Variants in DOCK2 observed in about 807,000 individuals in gnomAD.
The protein encoded by DOCK2 is dedicator of cytokinesis protein 2.
DOCK2 carries 87 observed loss-of-function variants against 248.9 expected under a neutral mutation model. The ratio of observed to expected loss-of-function variants is 0.35; its 90% CI spans 0.29 to 0.42. The LOEUF is 0.42. Ranked by LOEUF, DOCK2 falls within the 10% of genes least tolerant of loss-of-function variation. DOCK2 has a pLI of 1.00. For synonymous variants in DOCK2, 805 were observed against 821.6 expected, an observed-to-expected ratio of 0.98 and a Z score of 0.35; for missense variants, 1,747 against 2,300.2, an observed-to-expected ratio of 0.76 and a Z score of 4.92.
chr5:169,751,578 A>G lies in DOCK2; in HGVS notation c.2376+4074A>G, dbSNP rs746153728. Among the ~76,000 whole-genome samples the G allele has an allele frequency of 7.9e-5, 12 of 152,360 alleles. No individual in the cohort carries two copies. The South Asian group carries it at 2.3e-3, about 29-fold the overall frequency. Reference sequence around the variant, plus strand: ...TTTTGTGACCAATTTAATTGTGAGTAGAGCAGATCTGGTTCAAATCTCAGC... The same window carrying G: ...TTTTGTGACCAATTTAATTGTGAGTGGAGCAGATCTGGTTCAAATCTCAGC... On this transcript the variant is annotated intron_variant, in intron 23 of 51. Transcript: ENST00000520908.
chr5:169,991,858 C>T lies in DOCK2; in HGVS notation c.2994-4228C>T, dbSNP rs982517620. Among the ~76,000 whole-genome samples, 98 of 152,226 alleles carry T rather than the reference C, an allele frequency of 6.4e-4. 1 individual carries two copies. The highest frequency in any genetic ancestry group is 2.1e-4 in the Non-Finnish European group (14 of 68,038). ...GGGAAATTATTTGCTCTTTCTAAGA[C>T]TCAGTTTCCTCTTATGTTTAATGGG... On this transcript the variant is annotated intron_variant, in intron 29 of 51. Transcript: ENST00000520908.
intron 24 of DOCK2, 149 bp downstream of exon 24, chr5:169,759,924 T>C (rs1436995775): frequency 2.4e-6 from 2 of 819,722 alleles, no homozygotes; most frequent in Admixed American, 5.6e-5. Flanking sequence ...GTTTCCGGTG[T>C]GGTATTTTTA....
chr5:170,022,881 A>G (rs1755777305), intron 33 of DOCK2, among the ~76,000 whole-genome samples: 1 of 151,690 alleles, frequency 6.6e-6, no homozygotes, highest in Non-Finnish European at 1.5e-5. Flanking sequence ...AGGCATTTAG[A>G]CCCCCATCCC....
At chr5:169,679,956 TC>T (rs1285739676) in intron 6 of DOCK2, among the ~76,000 whole-genome samples, 2 of 152,170 alleles carry the variant, frequency 1.3e-5, no homozygotes, top group African/African-American at 4.8e-5. Context: ...CTTCTCAGAA[TC>T]CATCAGCCCC....
intron 1 of DOCK2, among the ~76,000 whole-genome samples, chr5:169,648,753 G>T (rs1757625899): frequency 6.6e-6 from 1 of 152,334 alleles, no homozygotes; most frequent in East Asian, 1.9e-4. Flanking sequence ...ACGATGAAAT[G>T]GGTGGCTGTG....
chr5:169,749,659 C>G (rs908453321), intron 23 of DOCK2, among the ~76,000 whole-genome samples: 1 of 152,198 alleles, frequency 6.6e-6, no homozygotes, highest in Non-Finnish European at 1.5e-5. Flanking sequence ...TCTGTTCCTG[C>G]CTGGCTCTAA....
intron 1 of DOCK2, among the ~76,000 whole-genome samples, chr5:169,647,230 G>A (rs1032542584): frequency 6.6e-6 from 1 of 152,216 alleles, no homozygotes; most frequent in East Asian, 1.9e-4. Flanking sequence ...CACAGAGCAG[G>A]TGCTCAGCGG....
intron 27 of DOCK2, among the ~76,000 whole-genome samples, chr5:169,869,023 G>A (rs1490851222): frequency 6.6e-6 from 1 of 152,142 alleles, no homozygotes. Context: ...AGTTACACTA[G>A]CTTCCTCGCT....
At chr5:170,004,231 A>G (rs1754938490) in intron 30 of DOCK2, among the ~76,000 whole-genome samples, 1 of 152,246 alleles carries the variant, frequency 6.6e-6, no homozygotes, top group African/African-American at 2.4e-5. Context: ...ATAGAATATT[A>G]TTCAATGATA....
At chr5:169,840,448 AATT>A (rs1223878826) in intron 26 of DOCK2, among the ~76,000 whole-genome samples, 2 of 152,122 alleles carry the variant, frequency 1.3e-5, no homozygotes, top group East Asian at 1.9e-4. Flanking sequence ...ATGCAGTACT[AATT>A]ATTGTCAGAG....
At chr5:169,926,607 G>T (rs1158777927) in intron 27 of DOCK2, among the ~76,000 whole-genome samples, 1 of 152,134 alleles carries the variant, frequency 6.6e-6, no homozygotes, top group African/African-American at 2.4e-5. Flanking sequence ...GACAGAATAG[G>T]GTTTAAGCAA....
intron 2 of DOCK2, among the ~76,000 whole-genome samples, chr5:169,655,843 G>T (rs1295110301): frequency 2.0e-5 from 3 of 152,158 alleles, no homozygotes. Context: ...CTTTAAAAGG[G>T]GTCATGGGGG....
intron 27 of DOCK2, among the ~76,000 whole-genome samples, chr5:169,900,722 G>T (rs59204284): frequency 0.098 from 14,835 of 152,064 alleles, 775 homozygotes; most frequent in South Asian, 0.14. Context: ...GTGTAGAGTT[G>T]TTGCCCACTA....
At chr5:169,862,864 C>T (rs1305782028) in intron 27 of DOCK2, among the ~76,000 whole-genome samples, 1 of 152,214 alleles carries the variant, frequency 6.6e-6, no homozygotes, top group Non-Finnish European at 1.5e-5. Flanking sequence ...CTGTGCTCTG[C>T]AAAGATTCTA....
intron 27 of DOCK2, among the ~76,000 whole-genome samples, chr5:169,861,167 C>A (rs1771175147): frequency 6.6e-6 from 1 of 152,162 alleles, no homozygotes; most frequent in South Asian, 2.1e-4. Context: ...TGAATCTGCT[C>A]TTTATTTATT....
At position 169,924,051 on chromosome 5, in the gene DOCK2, T is replaced by G. The variant is rs60148544; in HGVS notation, c.2800-59017T>G. The stretch of plus-strand genomic sequence containing the variant: ...GGCCTGGTAATTGGTAATTAGCTGA[T>G]GCCCCTTGTCTCCTCCTGCCACCCT... On this transcript the variant is annotated intron_variant, in intron 27 of 51. Transcript: ENST00000520908. 4.5e-3 allele frequency among the ~76,000 whole-genome samples: 692 copies of G among 152,324 alleles called. 5 individuals carry two copies. The highest frequency in any genetic ancestry group is 0.02 in the Middle Eastern group (6 of 294).
chr5:169,833,756 T>A (rs1304719626), intron 26 of DOCK2, among the ~76,000 whole-genome samples: 1 of 152,218 alleles, frequency 6.6e-6, no homozygotes. Flanking sequence ...CCTCCAGCAC[T>A]TTCCTCCCGT....
intron 27 of DOCK2, among the ~76,000 whole-genome samples, chr5:169,851,818 C>T (rs941155550): frequency 6.6e-6 from 1 of 152,098 alleles, no homozygotes; most frequent in African/African-American, 2.4e-5. Context: ...CATCAGATCT[C>T]ATGAGAAGTC....
rs186748684 is a variant in DOCK2, at chr5:169,951,538, A to G, written c.2800-31530A>G. Among the ~76,000 whole-genome samples, 325 of 152,362 alleles carry G rather than the reference A, an allele frequency of 2.1e-3. 1 individual carries two copies. Among genetic ancestry groups the G allele is most frequent in the African/African-American group, 7.5e-3 (310 of 41,590 alleles). ...TTCTGGAGGTTCAGAGTTGGAAGAC[A>G]TGGACACCTGCCTTGGATCACACCC... is the stretch of plus-strand genomic sequence containing the variant. On this transcript the variant is annotated intron_variant, in intron 27 of 51. Transcript: ENST00000520908.
Sources: gnomAD v4.1 joint callset for allele counts (sites outside exome capture counted in the v4.1 genomes callset) on GRCh38, gnomAD v4.1.1 for gene constraint, MANE v1.5 for transcripts, NCBI Gene and HGNC (gene_info 2026-07-23, HGNC 2026-07-21) for gene names.